The following CNTNAP5 variants were observed in gnomAD, a reference collection of about 807,000 sequenced individuals.
CNTNAP5 encodes the protein contactin-associated protein-like 5.
In CNTNAP5, 72 loss-of-function variants were observed where a neutral mutation model predicts 150.2. The observed-to-expected ratio is 0.48, with a 90% CI of 0.40 to 0.58. CNTNAP5 has a LOEUF of 0.58. Ranked by LOEUF, CNTNAP5 falls within the 20% of genes least tolerant of loss-of-function variation. The pLI is 0.00. For synonymous variants in CNTNAP5, 672 were observed against 619.8 expected (o/e 1.08, Z -1.25); for missense variants, 1,636 against 1,626.2 (o/e 1.01, Z -0.10).
At chr2:124,621,452 T>C (rs1677612759) in intron 12 of CNTNAP5, among the ~76,000 whole-genome samples, 1 of 152,208 alleles carries the variant, frequency 6.6e-6, no homozygotes, top group South Asian at 2.1e-4. Flanking sequence ...CTTGTCACTC[T>C]GGCTATTATG....
intron 1 of CNTNAP5, among the ~76,000 whole-genome samples, chr2:124,198,513 T>C (rs752956656): frequency 6.6e-6 from 1 of 152,012 alleles, no homozygotes; most frequent in Non-Finnish European, 1.5e-5. Context: ...CAGCCTATCA[T>C]CCTGGAAGTG....
At position 124,915,894 on chromosome 2, in the gene CNTNAP5, T is replaced by A. The variant is rs572628514; in HGVS notation, c.*1606T>A. On this transcript the variant is annotated 3_prime_UTR_variant, in exon 24 of 24. Coordinates refer to ENST00000682447, the MANE Select transcript of CNTNAP5 (RefSeq NM_001367498.1). ...ATAGTGGAAATGCTCATGTAATGAT[T>A]CTTAGGTGTGGAAAATACTTGCTGA... is the stretch of plus-strand genomic sequence containing the variant. Among the ~76,000 whole-genome samples the A allele has an allele frequency of 1.3e-5, 2 of 152,150 alleles. No homozygotes were observed. The highest frequency in any genetic ancestry group is 3.9e-4 in the East Asian group (2 of 5,156).
chr2:124,479,110 T>TA (rs1047047231), intron 7 of CNTNAP5, among the ~76,000 whole-genome samples: 2 of 152,076 alleles, frequency 1.3e-5, no homozygotes, highest in African/African-American at 4.8e-5. Flanking sequence ...AAAGTAGACA[T>TA]AAAAAATACC....
chr2:124,522,959 T>C (rs746705060), intron 8 of CNTNAP5, among the ~76,000 whole-genome samples: 18 of 152,192 alleles, frequency 1.2e-4, no homozygotes, highest in South Asian at 8.3e-4. Context: ...CCACCCAGAA[T>C]TGCAAGAGGT....
intron 12 of CNTNAP5, among the ~76,000 whole-genome samples, chr2:124,618,594 G>A (rs1417227281): frequency 6.6e-6 from 1 of 152,060 alleles, no homozygotes; most frequent in Non-Finnish European, 1.5e-5. Flanking sequence ...TCCTTTCTAT[G>A]CTCCCCTCTG....
At chr2:124,585,151 G>A (rs1480884893) in intron 11 of CNTNAP5, among the ~76,000 whole-genome samples, 1 of 152,162 alleles carries the variant, frequency 6.6e-6, no homozygotes, top group African/African-American at 2.4e-5. Context: ...CACACTGCAG[G>A]ATGGCTGGTA....
chr2:124,840,555 C>T (rs1403175913), intron 19 of CNTNAP5, among the ~76,000 whole-genome samples: 9 of 152,060 alleles, frequency 5.9e-5, no homozygotes, highest in Non-Finnish European at 1.2e-4. Flanking sequence ...CTGCAACTAA[C>T]AACCTTATCA....
intron 12 of CNTNAP5, among the ~76,000 whole-genome samples, chr2:124,619,293 G>A (rs1335753210): frequency 6.6e-6 from 1 of 152,130 alleles, no homozygotes; most frequent in Non-Finnish European, 1.5e-5. Flanking sequence ...AGACCTTGCA[G>A]GATGGGTGAG....
intron 3 of CNTNAP5, among the ~76,000 whole-genome samples, chr2:124,246,030 T>C (rs931003744): frequency 6.6e-6 from 1 of 152,082 alleles, no homozygotes; most frequent in African/African-American, 2.4e-5. Context: ...CCACCGCACC[T>C]GGCCAATGAA....
At chr2:124,245,631 ATG>A (rs1031693781) in intron 3 of CNTNAP5, among the ~76,000 whole-genome samples, 43 of 151,304 alleles carry the variant, frequency 2.8e-4, no homozygotes, top group African/African-American at 1.0e-3. Flanking sequence ...GTGTATATAT[ATG>A]TGTGTGTTTG....
chr2:124,029,409 T>C (rs1680983751), intron 1 of CNTNAP5, among the ~76,000 whole-genome samples: 1 of 152,056 alleles, frequency 6.6e-6, no homozygotes, highest in Non-Finnish European at 1.5e-5. Context: ...AAGATTTTCC[T>C]TTTGTTGAAT....
chr2:124,893,691 C>T (rs1306993144), intron 21 of CNTNAP5, among the ~76,000 whole-genome samples: 2 of 152,060 alleles, frequency 1.3e-5, no homozygotes, highest in East Asian at 1.9e-4. Context: ...CTAAAAAACA[C>T]AGAAAGGCAA....
intron 7 of CNTNAP5, among the ~76,000 whole-genome samples, chr2:124,496,981 T>G (rs76828540): frequency 9.9e-5 from 15 of 152,230 alleles, no homozygotes; most frequent in East Asian, 1.9e-4. Context: ...ATTCTTGTTT[T>G]ATTCTTCCCA....
chr2:124,596,097 A>G (rs1167600275), intron 11 of CNTNAP5, among the ~76,000 whole-genome samples: 4,318 of 134,366 alleles, frequency 0.032, 57 homozygotes, highest in Middle Eastern at 0.055. Context: ...CAGCTCCTGG[A>G]TTCATTGATT....
intron 8 of CNTNAP5, among the ~76,000 whole-genome samples, chr2:124,505,736 T>G (rs1694391703): frequency 6.6e-6 from 1 of 152,096 alleles, no homozygotes; most frequent in African/African-American, 2.4e-5. Context: ...TCTGATGTCC[T>G]TCAAGCAGCG....
chr2:124,460,200 A>C (rs1423071604), intron 6 of CNTNAP5, among the ~76,000 whole-genome samples: 2 of 152,216 alleles, frequency 1.3e-5, no homozygotes, highest in Admixed American at 1.3e-4. Flanking sequence ...AGGCATAGAA[A>C]TTTCTGAAAG....
intron 1 of CNTNAP5, among the ~76,000 whole-genome samples, chr2:124,173,516 G>C (rs1378463190): frequency 6.6e-6 from 1 of 152,136 alleles, no homozygotes; most frequent in African/African-American, 2.4e-5. Context: ...TTAGTAGTCT[G>C]GACAGATGAT....
At chr2:124,365,222 G>A (rs1473332373) in intron 3 of CNTNAP5, among the ~76,000 whole-genome samples, 1 of 151,800 alleles carries the variant, frequency 6.6e-6, no homozygotes, top group Non-Finnish European at 1.5e-5. Flanking sequence ...GGACTGAGAT[G>A]GGAGGTCCGC....
At chr2:124,808,191 C>A (rs1022295596) in intron 19 of CNTNAP5, among the ~76,000 whole-genome samples, 6 of 152,106 alleles carry the variant, frequency 3.9e-5, no homozygotes, top group African/African-American at 1.4e-4. Context: ...ATTAATAGGG[C>A]TCCCCAGGAT....
Sources: gnomAD v4.1 joint callset for allele counts (sites outside exome capture counted in the v4.1 genomes callset) on GRCh38, gnomAD v4.1.1 for gene constraint, MANE v1.5 for transcripts, NCBI Gene and HGNC (gene_info 2026-07-23, HGNC 2026-07-21) for gene names.